The following KCNC4 variants were observed in gnomAD, a reference collection of about 807,000 sequenced individuals.
The protein encoded by KCNC4 is potassium voltage-gated channel subfamily C member 4.
Under a neutral mutation model 42.8 loss-of-function variants are expected in KCNC4, and 23 were observed. The ratio of observed to expected loss-of-function variants is 0.54; its 90% CI spans 0.39 to 0.76. KCNC4 has a LOEUF of 0.76. Among genes scored for constraint, KCNC4 ranks in the 30% least tolerant of loss-of-function variants. The pLI is 0.00. For missense variants in KCNC4, 751 were observed against 898.2 expected, an observed-to-expected ratio of 0.84 and a Z score of 2.10; for synonymous variants, 422 against 393.5, an observed-to-expected ratio of 1.07 and a Z score of -0.86.
chr1:110,266,925 C>G (rs56250023), intron 1 of KCNC4, among the ~76,000 whole-genome samples: 88,907 of 151,750 alleles, frequency 0.59, 26,412 homozygotes, highest in African/African-American at 0.67. Context: ...TCTCTTGAAG[C>G]ATCCCACTTT....
Position 110,211,250 on chromosome 1 carries a change from C to T in KCNC4, c.-250C>T. 1 of 546,714 alleles carries T rather than the reference C, an allele frequency of 1.8e-6. No individual in the cohort carries two copies. The highest frequency in any genetic ancestry group is 3.2e-6 in the Non-Finnish European group (1 of 310,276). The allele number at this position is 546,714 out of a possible 1,614,324, so 33.9% of individuals were successfully genotyped here. On this transcript the variant is annotated 5_prime_UTR_variant, in exon 1 of 4. Coordinates refer to ENST00000438661, the MANE Select transcript of KCNC4 (RefSeq NM_001039574.3). The surrounding 1 kb of genome is among the most constrained non-coding windows in gnomAD (Gnocchi z 6.5). ...GCTTGCTTCTACTTCCCCGGGTCCT[C>T]CCTCTCTGCGCCTCCCTCTCTCCGG...
chr1:110,238,443 C>T (rs1359320869), downstream of KCNC4: 2 of 152,226 alleles, frequency 1.3e-5, no homozygotes, highest in Non-Finnish European at 2.9e-5. Context: ...TAAACATCTT[C>T]CAGGTACTGG....
At chr1:110,262,825 C>T (rs1570579259) in intron 1 of KCNC4, among the ~76,000 whole-genome samples, 1 of 152,194 alleles carries the variant, frequency 6.6e-6, no homozygotes, top group Non-Finnish European at 1.5e-5. Context: ...TGAGGGCTTT[C>T]CTATAGTGCT....
chr1:110,276,314 A>AT (rs1659725626), intron 1 of KCNC4, among the ~76,000 whole-genome samples: 1 of 151,408 alleles, frequency 6.6e-6, no homozygotes, highest in Non-Finnish European at 1.5e-5. Context: ...AAAAAAAAAA[A>AT]AAAAAAAAGG....
rs1315210807 is a variant in KCNC4, at chr1:110,211,273, C to T, written c.-227C>T. On this transcript the variant is annotated 5_prime_UTR_variant, in exon 1 of 4. Coordinates refer to ENST00000438661, the MANE Select transcript of KCNC4 (RefSeq NM_001039574.3). This position sits in a 1 kb window ranked among gnomAD's most constrained non-coding sequence, Gnocchi z 6.5. Reference sequence around the variant, plus strand: ...CTCCCTCTCTGCGCCTCCCTCTCTCCGGAGCTTCCTGCCCTAACCCCAACC... The same window carrying T: ...CTCCCTCTCTGCGCCTCCCTCTCTCTGGAGCTTCCTGCCCTAACCCCAACC... 8.3e-6 allele frequency: 5 copies of T among 598,910 alleles called. No homozygotes were observed. The highest frequency in any genetic ancestry group is 3.0e-5 in the East Asian group (1 of 33,732). 37.1% of individuals were successfully genotyped at this position (598,910 alleles called of 1,614,324 possible). A position where few individuals can be genotyped will look rare whatever the true frequency, so the allele number is the denominator to read the frequency against.
At chr1:110,270,135 G>T in intron 1 of KCNC4, among the ~76,000 whole-genome samples, 1 of 152,162 alleles carries the variant, frequency 6.6e-6, no homozygotes, top group Non-Finnish European at 1.5e-5. Context: ...AAACACTGAC[G>T]TCCAACTGGC....
Position 110,214,239 on chromosome 1 carries a change from G to T in KCNC4, c.678+2062G>T, listed in dbSNP as rs114998150. Among the ~76,000 whole-genome samples the T allele has an allele frequency of 4.5e-3, 682 of 152,316 alleles. 8 individuals carry two copies. The highest frequency in any genetic ancestry group is 0.016 in the African/African-American group (661 of 41,570). ...GTTAATTCTTCCATTTAAACATTGA[G>T]AAAACCAGGATTCAGAGACATTAAG... On this transcript the variant is annotated intron_variant, in intron 1 of 3. Coordinates refer to ENST00000438661, the MANE Select transcript of KCNC4 (RefSeq NM_001039574.3).
intron 1 of KCNC4, among the ~76,000 whole-genome samples, chr1:110,258,810 T>C (rs1187804179): frequency 6.6e-6 from 1 of 152,134 alleles, no homozygotes; most frequent in Non-Finnish European, 1.5e-5. Flanking sequence ...AAGTGGTGAA[T>C]CCTCCAAGGC....
intron 1 of KCNC4, among the ~76,000 whole-genome samples, chr1:110,281,870 C>T (rs1010192709): frequency 6.6e-6 from 1 of 152,124 alleles, no homozygotes; most frequent in Admixed American, 6.6e-5. Context: ...ATGCTGGCTT[C>T]TGCTGCTGCT....
rs1175900129 is a variant in KCNC4, at chr1:110,212,070, C to T, written c.571C>T (p.Pro191Ser). 1.3e-6 allele frequency: 2 copies of T among 1,547,546 alleles called. No homozygotes were observed. Among genetic ancestry groups the T allele is most frequent in the African/African-American group, 2.8e-5 (2 of 71,418 alleles). Residue 191 changes from proline (P) to serine (S), a missense_variant, in exon 1 of 4, where the codon CCC becomes TCC. By Grantham distance (74) the Pro-to-Ser change is moderately conservative (BLOSUM62 -1). Transcript: ENST00000438661. ...GGAGCTGGCCCTGCAGCGACTGGGC[C>T]CCCACGAGGGAGGCGCGGGCCATGG... ...ERELALQRLG[P>S]HEGGAGHGAG...
At chr1:110,239,999 G>A (rs994281608) in exon 4 of KCNC4, 3 of 151,300 alleles carry the variant, frequency 2.0e-5, no homozygotes, top group Non-Finnish European at 4.4e-5. Flanking sequence ...AGGATATGGT[G>A]AGAAAGGAAG....
At chr1:110,264,599 C>T (rs947101699) in intron 1 of KCNC4, among the ~76,000 whole-genome samples, 1 of 152,136 alleles carries the variant, frequency 6.6e-6, no homozygotes, top group African/African-American at 2.4e-5. Flanking sequence ...TAAAGGGAAC[C>T]AAACATGACT....
In KCNC4 at chr1:110,223,959, A is replaced by G. The variant is rs771017607; in HGVS notation, c.1615+59A>G. 5 of 1,316,594 alleles carry G rather than the reference A, an allele frequency of 3.8e-6. No individual in the cohort carries two copies. In the African/African-American group the frequency reaches 7.4e-5, roughly 19 times the overall value. The allele number at this position is 1,316,594 out of a possible 1,614,324, so 81.6% of individuals were successfully genotyped here. A position where few individuals can be genotyped will look rare whatever the true frequency, so the allele number is the denominator to read the frequency against. ...TCCCCCAGTGGCCTAGGGAGTTTCC[A>G]AATGGACCTCAGACCTTGGGATTTG... On this transcript the variant is annotated intron_variant, in intron 2 of 3. Transcript: ENST00000438661. This position sits in a 1 kb window ranked among gnomAD's most constrained non-coding sequence, Gnocchi z 7.5.
Position 110,211,532 on chromosome 1 carries a change from C to T in KCNC4, c.33C>T (p.Arg11=), listed in dbSNP as rs202062820. The T allele has an allele frequency of 9.3e-6, 15 of 1,613,888 alleles. No homozygotes were observed. The change falls in exon 1 of 4, where the codon CGC becomes CGT. Residue 11 remains arginine (R), a synonymous_variant. Transcript: ENST00000438661. The surrounding 1 kb of genome is among the most constrained non-coding windows in gnomAD (Gnocchi z 6.5). ...GCTCGGTGTGTGTCTCCTCCTACCG[C>T]GGGCGCAAGTCGGGGAACAAGCCTC... MISSVCVSSY[R]GRKSGNKPPS... is the part of the protein sequence containing the mutation.
At chr1:110,228,140 C>T (rs145219438) in intron 3 of KCNC4, among the ~76,000 whole-genome samples, 1 of 152,320 alleles carries the variant, frequency 6.6e-6, no homozygotes, top group African/African-American at 2.4e-5. Flanking sequence ...TCTCCACACT[C>T]AGGTTATGCT....
intron 1 of KCNC4, among the ~76,000 whole-genome samples, chr1:110,272,781 G>T (rs6682489): frequency 0.26 from 39,110 of 151,982 alleles, 5,314 homozygotes; most frequent in African/African-American, 0.31. Context: ...TTTCCCAGAT[G>T]CAATTTTCAA....
rs115565449 is a variant in KCNC4 at position 110,228,241 on chromosome 1, T to C, written c.1819+2063T>C. ...CTGGGAGGATGGTGGCAGGTGCTAATTAGGGCTTCTTAGAGTCAAGAAGGC... is the reference window on the plus strand; with the variant it reads ...CTGGGAGGATGGTGGCAGGTGCTAACTAGGGCTTCTTAGAGTCAAGAAGGC... On this transcript the variant is annotated intron_variant, in intron 3 of 3. Transcript: ENST00000438661. Among the ~76,000 whole-genome samples, 1,520 of 152,204 alleles carry C rather than the reference T, an allele frequency of 1.0e-2. 10 individuals are homozygous for C. The highest frequency in any genetic ancestry group is 0.015 in the Non-Finnish European group (1,008 of 67,978).
chr1:110,262,173 TA>T (rs1659467552), intron 1 of KCNC4, among the ~76,000 whole-genome samples: 1 of 152,250 alleles, frequency 6.6e-6, no homozygotes, highest in Non-Finnish European at 1.5e-5. Flanking sequence ...AATTATATAA[TA>T]AATGCTTATA....
intron 1 of KCNC4, among the ~76,000 whole-genome samples, chr1:110,255,921 C>T (rs1322533915): frequency 6.6e-6 from 1 of 152,202 alleles, no homozygotes; most frequent in Non-Finnish European, 1.5e-5. Flanking sequence ...CTTCCTTCCA[C>T]AAAGGGATTT....
Sources: gnomAD v4.1 joint callset for allele counts (sites outside exome capture counted in the v4.1 genomes callset) on GRCh38, gnomAD v4.1.1 for gene constraint, Gnocchi (gnomAD v3.1) non-coding constraint, MANE v1.5 for transcripts, NCBI Gene and HGNC (gene_info 2026-07-23, HGNC 2026-07-21) for gene names.